The following RHAG variants were observed in gnomAD, a reference collection of about 807,000 sequenced individuals.
RHAG encodes Rh associated glycoprotein.
A neutral mutation model predicts 42.4 loss-of-function variants in RHAG; 25 were observed. That is an observed-to-expected ratio of 0.59 (90% CI 0.43 to 0.82). The LOEUF (loss-of-function observed/expected upper bound fraction) is 0.82, where lower values mean the gene tolerates loss of function less well. RHAG is among the 40% of genes least tolerant of loss of function. RHAG has a pLI of 0.00. For synonymous variants in RHAG, 182 were observed against 177.7 expected, an observed-to-expected ratio of 1.02 and a Z score of -0.19; for missense variants, 483 against 504.6, an observed-to-expected ratio of 0.96 and a Z score of 0.41.
At chr6:49,630,247 C>T (rs1221354595) in intron 1 of RHAG, among the ~76,000 whole-genome samples, 1 of 152,242 alleles carries the variant, frequency 6.6e-6, no homozygotes, top group East Asian at 1.9e-4. Context: ...TTTTGTTGCT[C>T]TGTGTGCTCA....
chr6:49,620,614 C>A (rs1347223142), intron 1 of RHAG, among the ~76,000 whole-genome samples: 1 of 152,038 alleles, frequency 6.6e-6, no homozygotes, highest in Non-Finnish European at 1.5e-5. Flanking sequence ...TCACTGCAAC[C>A]TCCGCCTCCC....
At chr6:49,612,651 G>C in intron 5 of RHAG, 117 bp from the exon 6 acceptor site, 1 of 1,212,058 alleles carries the variant, frequency 8.3e-7, no homozygotes, top group Non-Finnish European at 1.2e-6. Context: ...AAGGGCTATT[G>C]GTTCTTTTTT....
chr6:49,614,904 C>G, intron 4 of RHAG, 51 bp from the exon 5 acceptor site: 1 of 1,497,232 alleles, frequency 6.7e-7, no homozygotes, highest in Non-Finnish European at 9.3e-7. Context: ...GAAGACAGTC[C>G]AGAGGATGCA....
intron 5 of RHAG, among the ~76,000 whole-genome samples, chr6:49,613,478 C>T (rs771034986): frequency 3.3e-5 from 5 of 152,056 alleles, no homozygotes; most frequent in Non-Finnish European, 4.4e-5. Context: ...CTGAACTGTG[C>T]GATTTTTCCT....
chr6:49,624,209 ATTAAT>A (rs1327013527), intron 1 of RHAG, among the ~76,000 whole-genome samples: 1 of 151,992 alleles, frequency 6.6e-6, no homozygotes, highest in Non-Finnish European at 1.5e-5. Context: ...TTATTAATTA[ATTAAT>A]TTATTTTGAG....
chr6:49,607,076 C>A, intron 8 of RHAG, 74 bp downstream of exon 8: 3 of 1,367,422 alleles, frequency 2.2e-6, no homozygotes, highest in Non-Finnish European at 3.1e-6. Context: ...TAGCAATTGA[C>A]TTGCTCATTA....
chr6:49,612,938 A>T (rs756733601), intron 5 of RHAG, among the ~76,000 whole-genome samples: 5 of 152,208 alleles, frequency 3.3e-5, no homozygotes, highest in Non-Finnish European at 5.9e-5. Context: ...TGTGTTTTGT[A>T]GTCTATGATA....
intron 4 of RHAG, chr6:49,615,162 G>A: frequency 3.1e-6 from 1 of 318,584 alleles, no homozygotes; most frequent in East Asian, 8.0e-5. Context: ...ATGTTGGTCA[G>A]GCTGGTCTCG....
rs1554174425 is a variant in RHAG, at chr6:49,618,113, A to C, written c.447T>G (p.Ile149Met). The C allele has an allele frequency of 9.9e-6, 16 of 1,614,098 alleles. No homozygotes were observed. The highest frequency in any genetic ancestry group is 1.4e-5 in the Non-Finnish European group (16 of 1,179,978). ...TQMLIMTILE[I>M]VFFAHNEYLV... ...GGTATTCATTGTGGGCAAAGAAAAC[A>C]ATTTCTAAAATTGTCATGATCAGCA... The change falls in exon 3 of 10, where the codon ATT (isoleucine) becomes ATG (methionine). Residue 149 changes from isoleucine to methionine, a missense_variant. By Grantham distance (10) the Ile-to-Met change is conservative (BLOSUM62 1). Transcript: ENST00000371175.
At position 49,618,324 on chromosome 6, in the gene RHAG, A is replaced by T. The variant is rs567311599; in HGVS notation, c.342-106T>A. 3.1e-5 allele frequency: 36 copies of T among 1,150,920 alleles called. No individual in the cohort carries two copies. The African/African-American group carries it at 4.8e-4, about 15-fold the overall frequency. The allele number at this position is 1,150,920 out of a possible 1,614,324, so 71.3% of individuals were successfully genotyped here. A position where few individuals can be genotyped will look rare whatever the true frequency, so the allele number is the denominator to read the frequency against. ...GGCACATCCAGTGCTTCCCAGGCTT[A>T]CTCATCATCTCCCACTTCCTTATTC... On this transcript the variant is annotated intron_variant, in intron 2 of 9. Transcript: ENST00000371175.
rs1762581787 is a variant in RHAG, at chr6:49,612,314, T to C, written c.945+83A>G. 2.8e-6 allele frequency: 4 copies of C among 1,434,158 alleles called. No individual in the cohort carries two copies. The African/African-American group carries it at 5.7e-5, about 20-fold the overall frequency. 88.8% of individuals were successfully genotyped at this position (1,434,158 alleles called of 1,614,324 possible). On this transcript the variant is annotated intron_variant, in intron 6 of 9. Transcript: ENST00000371175. ...ATAAAAATGTTTATAAAATAAAACTTAGTAGCTTTTTTTCTGCTGGTGGGA... is the reference window on the plus strand; with the variant it reads ...ATAAAAATGTTTATAAAATAAAACTCAGTAGCTTTTTTTCTGCTGGTGGGA...
At chr6:49,631,196 T>C (rs1325884806) in intron 1 of RHAG, among the ~76,000 whole-genome samples, 1 of 152,222 alleles carries the variant, frequency 6.6e-6, no homozygotes, top group Non-Finnish European at 1.5e-5. Context: ...CTCTCCACTA[T>C]AAGTGTAACT....
At position 49,605,232 on chromosome 6, in the gene RHAG, A is replaced by G. The variant is rs181289313; in HGVS notation, c.*581T>C. 305 of 155,684 alleles carry G rather than the reference A, an allele frequency of 2.0e-3. No individual in the cohort carries two copies. Among genetic ancestry groups the G allele is most frequent in the Middle Eastern group, 0.014 (4 of 296 alleles). 9.6% of individuals were successfully genotyped at this position (155,684 alleles called of 1,614,324 possible). On this transcript the variant is annotated 3_prime_UTR_variant, in exon 10 of 10. Coordinates refer to ENST00000371175, the MANE Select transcript of RHAG (RefSeq NM_000324.3). ...ATTTTATGCAAAATAGACTTTGATC[A>G]GATAGCATTTGAGCTCGTTGCAAAT... is the stretch of plus-strand genomic sequence containing the variant.
chr6:49,627,724 A>G (rs2127357073), intron 1 of RHAG, among the ~76,000 whole-genome samples: 1 of 152,298 alleles, frequency 6.6e-6, no homozygotes, highest in East Asian at 1.9e-4. Context: ...GTGGAAGGCG[A>G]ATGAGGAGCA....
intron 7 of RHAG, among the ~76,000 whole-genome samples, chr6:49,610,504 A>T (rs560615660): frequency 6.6e-6 from 1 of 152,326 alleles, no homozygotes; most frequent in South Asian, 2.1e-4. Context: ...CTTATTTTAC[A>T]GAGGAGAAGA....
At chr6:49,634,426 A>T (rs545737306) in intron 1 of RHAG, among the ~76,000 whole-genome samples, 1 of 152,294 alleles carries the variant, frequency 6.6e-6, no homozygotes, top group South Asian at 2.1e-4. Context: ...TAAAAATATA[A>T]CTATCACATG....
At chr6:49,614,929 T>TTTATTTAC in intron 4 of RHAG, 76 bp from the exon 5 acceptor site, 1 of 1,292,586 alleles carries the variant, frequency 7.7e-7, no homozygotes, top group East Asian at 2.4e-5. Context: ...GCTTTATTTA[T>TTTATTTAC]TTATTTACTT....
rs121918589 is a variant in RHAG at position 49,606,921 on chromosome 6, C to T, written c.1139G>A (p.Gly380Asp). 3 of 1,607,970 alleles carry T rather than the reference C, an allele frequency of 1.9e-6. No homozygotes were observed. The highest frequency in any genetic ancestry group is 1.7e-5 in the Admixed American group (1 of 59,956). ...GTAVVGGLMT[G>D]LILKLPLWGQ... ...CCAGAGAGGCAACTTTAGAATTAAA[C>T]CTGTGACGGTAGAGGGAAAATGAGT... The change falls in exon 9 of 10, where the codon GGT (glycine) becomes GAT (aspartate). Residue 380 changes from glycine (G) to aspartate (D), a missense_variant and splice_region_variant. Transcript: ENST00000371175.
At chr6:49,634,115 TC>T (rs1762972167) in intron 1 of RHAG, among the ~76,000 whole-genome samples, 2 of 152,188 alleles carry the variant, frequency 1.3e-5, no homozygotes, top group South Asian at 4.1e-4. Flanking sequence ...ATTTATCATT[TC>T]TTTGTATAAG....
Sources: allele counts gnomAD v4.1 joint callset (sites outside exome capture counted in the v4.1 genomes callset), GRCh38; gene constraint gnomAD v4.1.1; transcripts MANE v1.5; gene names NCBI Gene and HGNC (gene_info 2026-07-23, HGNC 2026-07-21).